S100Z: variants seen among roughly 807,000 people sequenced by gnomAD.
The protein encoded by S100Z is S100 calcium binding protein Z, also known as protein S100-Z.
Under a neutral mutation model 8.5 loss-of-function variants are expected in S100Z, and 11 were observed. The observed-to-expected ratio is 1.30, with a 90% CI of 0.82 to 2.15. S100Z has a LOEUF of 2.15. S100Z is among the 30% of genes most tolerant of loss of function. S100Z has a pLI of 0.00. For missense variants in S100Z, 126 were observed against 117.9 expected, an observed-to-expected ratio of 1.07 and a Z score of -0.32; for synonymous variants, 34 against 43.8, an observed-to-expected ratio of 0.78 and a Z score of 0.89.
chr5:76,891,946 A>G (rs1743874439), intron 4 of S100Z, among the ~76,000 whole-genome samples: 1 of 152,190 alleles, frequency 6.6e-6, no homozygotes, highest in African/African-American at 2.4e-5. Flanking sequence ...GCTCACCTGC[A>G]TCAGAGCCAA....
chr5:76,906,174 T>C (rs1199489230), intron 4 of S100Z, among the ~76,000 whole-genome samples: 1 of 152,242 alleles, frequency 6.6e-6, no homozygotes, highest in Admixed American at 6.5e-5. Context: ...TAAGGTATAA[T>C]TGACAAAATT....
At chr5:76,865,238 C>CTATTTTTTTTTTT (rs1491513943) in intron 1 of S100Z, among the ~76,000 whole-genome samples, 1 of 110,652 alleles carries the variant, frequency 9.0e-6, no homozygotes, top group Non-Finnish European at 1.8e-5. Context: ...TGTGTCCTAG[C>CTATTTTTTTTTTT]TCTTTTTTTT....
intron 4 of S100Z, among the ~76,000 whole-genome samples, chr5:76,907,848 G>A (rs780423383): frequency 1.3e-5 from 2 of 152,070 alleles, no homozygotes; most frequent in Non-Finnish European, 1.5e-5. Flanking sequence ...AATAAATAAG[G>A]CCAGGTGCAG....
chr5:76,949,191 A>T, the S100Z span, among the ~76,000 whole-genome samples: 1 of 152,196 alleles, frequency 6.6e-6, no homozygotes, highest in Non-Finnish European at 1.5e-5. Flanking sequence ...GATCAAGACC[A>T]TCCTGGCTAA....
At position 76,863,687 on chromosome 5, in the gene S100Z, C is replaced by T. The variant is rs367893978; in HGVS notation, c.-175-6479C>T. Among the ~76,000 whole-genome samples the T allele has an allele frequency of 6.1e-3, 925 of 151,916 alleles. 6 individuals are homozygous for T. The highest frequency in any genetic ancestry group is 0.02 in the African/African-American group (832 of 41,268). On this transcript the variant is annotated intron_variant, in intron 1 of 4. Coordinates refer to ENST00000317593, the MANE Select transcript of S100Z (RefSeq NM_130772.4). ...CCAAGTAGCTGGGACTACAGGCACC[C>T]GCCACCACACCCAGCTAATTTTTTG... is the stretch of plus-strand genomic sequence containing the variant.
chr5:76,854,527 T>G (rs112495059), intron 1 of S100Z, among the ~76,000 whole-genome samples: 4,949 of 152,240 alleles, frequency 0.033, 128 homozygotes, highest in African/African-American at 0.069. Flanking sequence ...TTAGGGTATC[T>G]GACAGAAGAA....
chr5:76,885,888 G>A (rs1266062144), intron 4 of S100Z, among the ~76,000 whole-genome samples: 1 of 148,336 alleles, frequency 6.7e-6, no homozygotes, highest in Non-Finnish European at 1.5e-5. Flanking sequence ...AGAGAAAAGA[G>A]AGAGTAGAGG....
At chr5:76,882,834 G>A (rs1024204765) in intron 4 of S100Z, among the ~76,000 whole-genome samples, 4 of 152,102 alleles carry the variant, frequency 2.6e-5, no homozygotes, top group Admixed American at 2.0e-4. Context: ...AGGATGAAGG[G>A]TGCAAGGAAT....
At chr5:76,891,827 G>A (rs772296495) in intron 4 of S100Z, among the ~76,000 whole-genome samples, 24 of 152,070 alleles carry the variant, frequency 1.6e-4, no homozygotes, top group Admixed American at 6.6e-5. Flanking sequence ...GCCTGGGAGA[G>A]GGAGGAGGGG....
At chr5:76,951,086 A>C in the S100Z span, among the ~76,000 whole-genome samples, 1 of 152,268 alleles carries the variant, frequency 6.6e-6, no homozygotes, top group East Asian at 1.9e-4. Context: ...CAAACTGGTG[A>C]AAACTACACA....
the S100Z span, among the ~76,000 whole-genome samples, chr5:76,944,875 G>A: frequency 6.6e-6 from 1 of 152,314 alleles, no homozygotes; most frequent in Admixed American, 6.5e-5. Flanking sequence ...GATGCAGGCA[G>A]TGAGGGATGT....
At chr5:76,889,954 G>A (rs1376844352) in intron 4 of S100Z, among the ~76,000 whole-genome samples, 1 of 152,156 alleles carries the variant, frequency 6.6e-6, no homozygotes, top group East Asian at 1.9e-4. Flanking sequence ...TGAGACCCTG[G>A]GTTTGAGATG....
At chr5:76,892,155 A>G (rs767143812) in intron 4 of S100Z, among the ~76,000 whole-genome samples, 5 of 152,208 alleles carry the variant, frequency 3.3e-5, no homozygotes, top group African/African-American at 7.2e-5. Flanking sequence ...GAAGTGCTCA[A>G]TAGGTGGTAA....
chr5:76,951,698 T>TTA, the S100Z span, among the ~76,000 whole-genome samples: 2 of 152,198 alleles, frequency 1.3e-5, no homozygotes, highest in Non-Finnish European at 2.9e-5. Flanking sequence ...CTTTTCAAAA[T>TTA]TCAGGCATCT....
At chr5:76,866,074 G>A (rs1751264313) in intron 1 of S100Z, among the ~76,000 whole-genome samples, 1 of 151,154 alleles carries the variant, frequency 6.6e-6, no homozygotes, top group African/African-American at 2.4e-5. Context: ...TTTGAAGAAA[G>A]AAAAATTTTT....
intron 1 of S100Z, among the ~76,000 whole-genome samples, chr5:76,863,800 A>G (rs1349974299): frequency 3.9e-5 from 6 of 152,286 alleles, no homozygotes; most frequent in Admixed American, 2.6e-4. Context: ...GGCCTCCCAA[A>G]GTACTGGGAT....
At chr5:76,947,914 G>C in the S100Z span, among the ~76,000 whole-genome samples, 1 of 152,128 alleles carries the variant, frequency 6.6e-6, no homozygotes, top group African/African-American at 2.4e-5. Flanking sequence ...AAAACTCCTA[G>C]AAGAAAACAG....
chr5:76,864,082 C>T (rs374748686), intron 1 of S100Z, among the ~76,000 whole-genome samples: 63 of 152,282 alleles, frequency 4.1e-4, no homozygotes, highest in Admixed American at 8.5e-4. Flanking sequence ...CTAAATCCTC[C>T]GTAATTCTAT....
intron 2 of S100Z, among the ~76,000 whole-genome samples, chr5:76,871,674 C>A (rs1370073901): frequency 6.6e-6 from 1 of 152,092 alleles, no homozygotes; most frequent in African/African-American, 2.4e-5. Context: ...AGGCATGCAC[C>A]ACCACACCCG....
Sources: allele counts gnomAD v4.1 joint callset (sites outside exome capture counted in the v4.1 genomes callset), GRCh38; gene constraint gnomAD v4.1.1; transcripts MANE v1.5; gene names NCBI Gene and HGNC (gene_info 2026-07-23, HGNC 2026-07-21).